Variants in TTLL7 observed in about 807,000 individuals in gnomAD.
TTLL7 encodes the protein tubulin polyglutamylase TTLL7.
In TTLL7, 53 loss-of-function variants were observed where a neutral mutation model predicts 120.2. The observed-to-expected ratio is 0.44, with a 90% CI of 0.35 to 0.55. The LOEUF (loss-of-function observed/expected upper bound fraction) is 0.55, where lower values mean the gene tolerates loss of function less well. Among genes scored for constraint, TTLL7 ranks in the 20% least tolerant of loss-of-function variants. The probability of loss-of-function intolerance (pLI) is 0.00; values close to 1 mark genes in which losing one functional copy is unlikely to be tolerated. For missense variants in TTLL7, 803 were observed against 1,054.7 expected, an observed-to-expected ratio of 0.76 and a Z score of 3.31; for synonymous variants, 353 against 351.7, an observed-to-expected ratio of 1.00 and a Z score of -0.04.
At position 83,989,491 on chromosome 1, in the gene TTLL7, CTCTAT is replaced by C. The variant is rs1269152943; in HGVS notation, c.-177+9435_-177+9439del. Among the ~76,000 whole-genome samples, 3 of 152,060 alleles carry C rather than the reference CTCTAT, an allele frequency of 2.0e-5. No individual in the cohort carries two copies. The East Asian group carries it at 5.8e-4, about 29-fold the overall frequency. ...AACCATGTGGCTTTATTTCTGGATT[CTCTAT>C]TCTATTTCCCTGGTCTATGTGTCTG... is the stretch of plus-strand genomic sequence containing the variant. On this transcript the variant is annotated intron_variant, in intron 1 of 20. Transcript: ENST00000260505.
At chr1:83,884,264 A>G (rs546032447) in intron 19 of TTLL7, among the ~76,000 whole-genome samples, 1 of 152,086 alleles carries the variant, frequency 6.6e-6, no homozygotes, top group South Asian at 2.1e-4. Flanking sequence ...CTCATTTTGC[A>G]TAAACCAATT....
At chr1:83,880,175 T>C (rs1030474356) in intron 20 of TTLL7, 3 of 152,004 alleles carry the variant, frequency 2.0e-5, no homozygotes, top group Non-Finnish European at 4.4e-5. Flanking sequence ...TATTAAAAGT[T>C]TTATTTCAAT....
intron 1 of TTLL7, among the ~76,000 whole-genome samples, chr1:83,986,573 G>T (rs1355363253): frequency 1.3e-5 from 2 of 152,178 alleles, no homozygotes; most frequent in African/African-American, 4.8e-5. Context: ...AGCCAGGCAT[G>T]GTGGCTCACG....
intron 17 of TTLL7, among the ~76,000 whole-genome samples, chr1:83,904,832 C>A (rs529542892): frequency 5.9e-5 from 9 of 151,980 alleles, no homozygotes; most frequent in Non-Finnish European, 1.2e-4. Context: ...TTGTGCAAGT[C>A]TGCAAAACTT....
chr1:83,915,652 T>G (rs1180674835), intron 14 of TTLL7, among the ~76,000 whole-genome samples: 1 of 152,002 alleles, frequency 6.6e-6, no homozygotes, highest in Non-Finnish European at 1.5e-5. Flanking sequence ...GGGATCTAAT[T>G]AAACTAAAGA....
chr1:83,922,111 T>C (rs1392361130), intron 10 of TTLL7, among the ~76,000 whole-genome samples: 3 of 152,016 alleles, frequency 2.0e-5, no homozygotes, highest in Non-Finnish European at 2.9e-5. Flanking sequence ...CAACTTAAAC[T>C]CTACCATACC....
intron 18 of TTLL7, among the ~76,000 whole-genome samples, chr1:83,894,380 T>C (rs1408742269): frequency 1.3e-5 from 2 of 152,128 alleles, no homozygotes; most frequent in Non-Finnish European, 2.9e-5. Context: ...AAAATGATTA[T>C]TCAACTTTAA....
At chr1:83,922,828 G>GA (rs1175837943) in intron 10 of TTLL7, among the ~76,000 whole-genome samples, 1 of 150,680 alleles carries the variant, frequency 6.6e-6, no homozygotes, top group Non-Finnish European at 1.5e-5. Context: ...AAGTAGATGA[G>GA]AAAAGAAGCA....
intron 1 of TTLL7, among the ~76,000 whole-genome samples, chr1:83,983,308 T>C (rs1557800261): frequency 6.6e-6 from 1 of 152,012 alleles, no homozygotes; most frequent in Non-Finnish European, 1.5e-5. Context: ...TCCAGACTGG[T>C]GACAGAACGA....
Position 83,927,873 on chromosome 1 carries a change from C to T in TTLL7, c.1142+1263G>A, listed in dbSNP as rs543967790. 3.3e-5 allele frequency among the ~76,000 whole-genome samples: 5 copies of T among 152,264 alleles called. No homozygotes were observed. The East Asian group carries it at 9.6e-4, about 29-fold the overall frequency. ...TGTGCCCAGTGAAACTCAAGTCTAA[C>T]ACATGCACCCATGGAGCTCTCCACC... On this transcript the variant is annotated intron_variant, in intron 10 of 20. Coordinates refer to ENST00000260505, the MANE Select transcript of TTLL7 (RefSeq NM_024686.6).
intron 1 of TTLL7, among the ~76,000 whole-genome samples, chr1:83,976,508 A>G (rs1039565395): frequency 2.0e-5 from 3 of 152,130 alleles, no homozygotes; most frequent in African/African-American, 7.2e-5. Context: ...TTCAGTATTC[A>G]TGAAATTTTT....
intron 1 of TTLL7, among the ~76,000 whole-genome samples, chr1:83,964,308 A>T (rs1650262562): frequency 6.6e-6 from 1 of 152,102 alleles, no homozygotes. Context: ...CTTCATTCTA[A>T]CAAACAATCA....
intron 5 of TTLL7, 65 bp downstream of exon 5, chr1:83,948,563 G>C (rs1222283791): frequency 3.0e-6 from 3 of 1,015,714 alleles, no homozygotes; most frequent in Non-Finnish European, 1.5e-6. Flanking sequence ...GTGAAAGATA[G>C]CACTACAGTA....
At chr1:83,931,693 TG>T (rs1659611386) in intron 9 of TTLL7, among the ~76,000 whole-genome samples, 2 of 152,140 alleles carry the variant, frequency 1.3e-5, no homozygotes, top group Admixed American at 6.6e-5. Flanking sequence ...TTAAAACTAT[TG>T]GTGGTATCTT....
chr1:83,914,190 C>A (rs988217425), intron 14 of TTLL7, among the ~76,000 whole-genome samples: 1 of 152,148 alleles, frequency 6.6e-6, no homozygotes, highest in Non-Finnish European at 1.5e-5. Flanking sequence ...TGTATCATTT[C>A]ACTATCCAAG....
chr1:83,954,761 C>T (rs1434285228), intron 1 of TTLL7, among the ~76,000 whole-genome samples: 1 of 151,084 alleles, frequency 6.6e-6, no homozygotes, highest in Non-Finnish European at 1.5e-5. Context: ...ATTATAACAA[C>T]ACATGAAATT....
intron 15 of TTLL7, among the ~76,000 whole-genome samples, chr1:83,908,327 GA>G (rs67307279): frequency 2.6e-5 from 4 of 151,338 alleles, no homozygotes; most frequent in South Asian, 2.1e-4. Flanking sequence ...GAAGCCATGA[GA>G]AAAAAAACAG....
chr1:83,883,221 A>C, intron 19 of TTLL7, 85 bp from the exon 20 acceptor site: 2 of 1,054,944 alleles, frequency 1.9e-6, no homozygotes, highest in Non-Finnish European at 1.4e-6. Flanking sequence ...CAACAAACCA[A>C]TAAGGGAAAT....
intron 14 of TTLL7, 111 bp from the exon 15 acceptor site, chr1:83,911,474 T>A: frequency 1.2e-6 from 1 of 840,964 alleles, no homozygotes; most frequent in Non-Finnish European, 1.8e-6. Context: ...TTACTGAAGG[T>A]TGAGAATCCC....
Sources: allele counts gnomAD v4.1 joint callset (sites outside exome capture counted in the v4.1 genomes callset), GRCh38; gene constraint gnomAD v4.1.1; transcripts MANE v1.5; gene names NCBI Gene and HGNC (gene_info 2026-07-23, HGNC 2026-07-21).